Variants in RELB observed in about 807,000 individuals in gnomAD.
RELB encodes RELB proto-oncogene, NF-kB subunit, also known as transcription factor RelB.
Under a neutral mutation model 55.4 loss-of-function variants are expected in RELB, and 14 were observed. The ratio of observed to expected loss-of-function variants is 0.25; its 90% CI spans 0.17 to 0.40. RELB has a LOEUF of 0.40. Ranked by LOEUF, RELB falls within the 10% of genes least tolerant of loss-of-function variation. The pLI, the probability that RELB is intolerant of heterozygous loss-of-function variation, is 1.00. For missense variants in RELB, 669 were observed against 830.7 expected (o/e 0.81, Z 2.39); for synonymous variants, 409 against 371.3 (o/e 1.10, Z -1.17).
In RELB at chr19:45,003,424, G is replaced by A. The variant is rs192991816; in HGVS notation, c.154+428G>A. On this transcript the variant is annotated intron_variant, in intron 2 of 11. Coordinates refer to ENST00000221452, the MANE Select transcript of RELB (RefSeq NM_006509.4). The stretch of plus-strand genomic sequence containing the variant: ...TGGGAGGCGGAGCTTGCAGTGAGCC[G>A]AGATCGCACCACTGCACTCCAGCCT... 1.1e-3 allele frequency: 465 copies of A among 419,000 alleles called. 1 individual carries two copies. The East Asian group carries it at 0.018, about 16-fold the overall frequency. The allele number at this position is 419,000 out of a possible 1,614,324, so 26.0% of individuals were successfully genotyped here.
At chr19:45,033,917 G>A (rs541110895) in intron 9 of RELB, among the ~76,000 whole-genome samples, 3 of 151,236 alleles carry the variant, frequency 2.0e-5, no homozygotes, top group African/African-American at 7.3e-5. Context: ...CACTTCGGGA[G>A]GCCAAGGCAG....
In RELB at chr19:45,037,815, C is replaced by T. The variant is rs973909956; in HGVS notation, c.*25C>T. 4 of 1,475,678 alleles carry T rather than the reference C, an allele frequency of 2.7e-6. No homozygotes were observed. Among genetic ancestry groups the T allele is most frequent in the Non-Finnish European group, 3.6e-6 (4 of 1,117,714 alleles). 91.4% of individuals were successfully genotyped at this position (1,475,678 alleles called of 1,614,324 possible). Reference sequence around the variant, plus strand: ...GCCCCGCGATGCCAGAGGAGGGGCACTGGGTGGGGAGGGAGGTGGAGGAGC... The same window carrying T: ...GCCCCGCGATGCCAGAGGAGGGGCATTGGGTGGGGAGGGAGGTGGAGGAGC... On this transcript the variant is annotated 3_prime_UTR_variant, in exon 12 of 12. Coordinates refer to ENST00000221452, the MANE Select transcript of RELB (RefSeq NM_006509.4).
At position 45,011,795 on chromosome 19, in the gene RELB, T is replaced by A. The variant is rs867040937; in HGVS notation, c.164-141T>A. The A allele has an allele frequency of 2.7e-3, 537 of 199,590 alleles. 3 individuals are homozygous for A. The African/African-American group carries it at 0.031, about 12-fold the overall frequency. 12.4% of individuals were successfully genotyped at this position (199,590 alleles called of 1,614,324 possible). A position where few individuals can be genotyped will look rare whatever the true frequency, so the allele number is the denominator to read the frequency against. ...GTGTGTGTGTGTGTGTGTGTGTGTG[T>A]GTGAGAGAGAGAGAGAGAGAGAGAG... On this transcript the variant is annotated intron_variant, in intron 3 of 11. Coordinates refer to ENST00000221452, the MANE Select transcript of RELB (RefSeq NM_006509.4).
At chr19:45,003,920 T>G (rs1308489727) in intron 2 of RELB, among the ~76,000 whole-genome samples, 56 of 92,526 alleles carry the variant, frequency 6.1e-4, no homozygotes, top group African/African-American at 3.3e-3. Flanking sequence ...TTTGTGTTTT[T>G]TTTTTTTTTT....
chr19:45,009,690 C>G, intron 2 of RELB, 124 bp from the exon 3 acceptor site: 1 of 1,131,564 alleles, frequency 8.8e-7, no homozygotes, highest in Non-Finnish European at 1.3e-6. Context: ...CAGGGTTTCC[C>G]AGGACGGAGG....
At chr19:45,004,188 G>A (rs1453038105) in intron 2 of RELB, among the ~76,000 whole-genome samples, 1 of 150,858 alleles carries the variant, frequency 6.6e-6, no homozygotes, top group Non-Finnish European at 1.5e-5. Flanking sequence ...AAAGTGCTGG[G>A]ATTACAGGTG....
chr19:45,036,929 A>G (rs1971692812), intron 11 of RELB, among the ~76,000 whole-genome samples: 1 of 151,644 alleles, frequency 6.6e-6, no homozygotes, highest in African/African-American at 2.4e-5. Flanking sequence ...TTGGCCTTCA[A>G]TTTACTTATT....
chr19:45,037,460 C>T lies in RELB; in HGVS notation c.1410C>T (p.Thr470=), dbSNP rs764829693. The part of the protein sequence containing the change: ...LLPDPDFFSG[T]VSLPGLEPPG... ...CAGACCCTGACTTCTTCTCTGGCACCGTGTCCCTGCCCGGCCTGGAGCCCC... is the reference window on the plus strand; with the variant it reads ...CAGACCCTGACTTCTTCTCTGGCACTGTGTCCCTGCCCGGCCTGGAGCCCC... The change falls in exon 12 of 12, where the codon ACC becomes ACT. Residue 470 remains threonine (T), a synonymous_variant. Transcript: ENST00000221452. 3.1e-6 allele frequency: 5 copies of T among 1,608,118 alleles called. No individual in the cohort carries two copies. The South Asian group carries it at 4.4e-5, about 14-fold the overall frequency.
At chr19:45,034,167 T>C in intron 9 of RELB, 77 bp from the exon 10 acceptor site, 1 of 1,074,020 alleles carries the variant, frequency 9.3e-7, no homozygotes. Context: ...TAAAAATAAA[T>C]AAATAAATAA....
Position 45,037,755 on chromosome 19 carries a change from G to A in RELB, c.1705G>A (p.Gly569Ser). Residue 569 changes from glycine (G) to serine (S), a missense_variant, in exon 12 of 12, where the codon GGC becomes AGC. Physicochemically the swap from Gly to Ser is moderately conservative, Grantham distance 56. Transcript: ENST00000221452. ...TCATTACCGCGAGGCGGCCTTTGGG[G>A]GCGGCCTCCTATCCCCGGGGCCTGA... ...PNHYREAAFGGGLLSPGPEAT is the reference protein window; with the variant it reads ...PNHYREAAFGSGLLSPGPEAT The A allele has an allele frequency of 6.7e-7, 1 of 1,488,854 alleles. No homozygotes were observed. The highest frequency in any genetic ancestry group is 1.4e-5 in the South Asian group (1 of 73,382). 92.2% of individuals were successfully genotyped at this position (1,488,854 alleles called of 1,614,324 possible).
At position 45,032,622 on chromosome 19, in the gene RELB, G is replaced by T. The variant is rs750720456; in HGVS notation, c.1080G>T (p.Val360=). The part of the protein sequence containing the change: ...QADVHRQIAI[V]FKTPPYEDLE... ...ACGTGCACCGCCAGATTGCCATTGTGTTCAAGACGCCGCCCTACGAGGACC... is the reference window on the plus strand; with the variant it reads ...ACGTGCACCGCCAGATTGCCATTGTTTTCAAGACGCCGCCCTACGAGGACC... Residue 360 remains valine, a synonymous_variant, in exon 9 of 12, where the codon GTG becomes GTT. Transcript: ENST00000221452. The T allele has an allele frequency of 2.5e-6, 4 of 1,613,488 alleles. No individual in the cohort carries two copies. Among genetic ancestry groups the T allele is most frequent in the South Asian group, 2.2e-5 (2 of 90,930 alleles).
rs770218975 is a variant in RELB at position 45,011,985 on chromosome 19, ACAGCCGGGC to A, written c.215_223del (p.Gln72_Gly74del). On this transcript the variant is annotated inframe_deletion, in exon 4 of 12. Coordinates refer to ENST00000221452, the MANE Select transcript of RELB (RefSeq NM_006509.4). ...AGAACGGCTTCGGCCTGGACGGGGG[ACAGCCGGGC>A]CCGGGCGAGGGGCTGCCACGCCTGG... 4 of 1,570,310 alleles carry A rather than the reference ACAGCCGGGC, an allele frequency of 2.5e-6. No individual in the cohort carries two copies. Among genetic ancestry groups the A allele is most frequent in the Non-Finnish European group, 3.4e-6 (4 of 1,164,278 alleles).
intron 9 of RELB, among the ~76,000 whole-genome samples, chr19:45,033,181 G>A (rs1015680870): frequency 2.0e-5 from 3 of 152,174 alleles, no homozygotes; most frequent in Admixed American, 6.6e-5. Context: ...GGCTCACATT[G>A]CCCAGAGGGG....
At position 45,002,338 on chromosome 19, in the gene RELB, T is replaced by G. The variant is rs183407765; in HGVS notation, c.107-611T>G. On this transcript the variant is annotated intron_variant, in intron 1 of 11. Transcript: ENST00000221452. ...GTGGTCTGACCCTGACAGGAGGATGTTTTTTTTTGTTTGTTTTTTGTTTTT... is the reference window on the plus strand; with the variant it reads ...GTGGTCTGACCCTGACAGGAGGATGGTTTTTTTTGTTTGTTTTTTGTTTTT... 3.0e-4 allele frequency among the ~76,000 whole-genome samples: 45 copies of G among 151,468 alleles called. No homozygotes were observed. The East Asian group carries it at 8.0e-3, about 27-fold the overall frequency.
In RELB at chr19:45,034,321, C is replaced by T. The variant is rs1380724787; in HGVS notation, c.1276+9C>T. On this transcript the variant is annotated intron_variant, in intron 10 of 11. Transcript: ENST00000221452. ...GGAGCTGAACAGCTCTGGTGTGTGC[C>T]CTCTGCCCCTTTCCACCCCCATCCC... is the stretch of plus-strand genomic sequence containing the variant. 1 of 1,613,364 alleles carries T rather than the reference C, an allele frequency of 6.2e-7. No homozygotes were observed. The highest frequency in any genetic ancestry group is 1.1e-5 in the South Asian group (1 of 91,076).
intron 11 of RELB, among the ~76,000 whole-genome samples, chr19:45,035,902 G>A (rs35612287): frequency 0.014 from 2,095 of 152,272 alleles, 54 homozygotes; most frequent in African/African-American, 0.048. Flanking sequence ...TCGAGAGACC[G>A]AGGCTTCTGC....
chr19:45,027,631 T>G (rs1425791008), intron 7 of RELB, among the ~76,000 whole-genome samples: 1 of 152,114 alleles, frequency 6.6e-6, no homozygotes, highest in Non-Finnish European at 1.5e-5. Context: ...ATGCGCTCAA[T>G]TACTGCTGAG....
At chr19:45,029,906 C>T (rs897667097) in intron 8 of RELB, among the ~76,000 whole-genome samples, 2 of 151,954 alleles carry the variant, frequency 1.3e-5, no homozygotes, top group African/African-American at 4.8e-5. Context: ...CAGCTCATGC[C>T]TGTAATCCTA....
intron 4 of RELB, among the ~76,000 whole-genome samples, chr19:45,020,618 C>T (rs1039707501): frequency 2.4e-4 from 31 of 130,150 alleles, no homozygotes; most frequent in Admixed American, 6.6e-4. Context: ...AGTGCAGTGG[C>T]GCGATCTTGG....
Sources: gnomAD v4.1 joint callset for allele counts (sites outside exome capture counted in the v4.1 genomes callset) on GRCh38, gnomAD v4.1.1 for gene constraint, MANE v1.5 for transcripts, NCBI Gene and HGNC (gene_info 2026-07-23, HGNC 2026-07-21) for gene names.